FBN3: variants seen among roughly 807,000 people sequenced by gnomAD.
FBN3 encodes the protein fibrillin 3.
In FBN3, 234 loss-of-function variants were observed where a neutral mutation model predicts 330.1. That is an observed-to-expected ratio of 0.71 (90% CI 0.64 to 0.79). The LOEUF is 0.79. Ranked by LOEUF, FBN3 falls within the 30% of genes least tolerant of loss-of-function variation. FBN3 has a pLI of 0.00. For missense variants in FBN3, 3,606 were observed against 3,886.9 expected (o/e 0.93, Z 1.92); for synonymous variants, 1,458 against 1,517.3 (o/e 0.96, Z 0.91).
rs1242772418 is a variant in FBN3, at chr19:8,122,675, C to G, written c.3082+789G>C. Among the ~76,000 whole-genome samples the G allele has an allele frequency of 2.8e-5, 4 of 143,488 alleles. No individual in the cohort carries two copies. The South Asian group carries it at 6.7e-4, about 24-fold the overall frequency. 94.1% of individuals were successfully genotyped at this position (143,488 alleles called of 152,430 possible). On this transcript the variant is annotated intron_variant, in intron 24 of 63. Coordinates refer to ENST00000600128, the MANE Select transcript of FBN3 (RefSeq NM_032447.5). ...ATCCATCGCACCTGGCCCAGCGCCCCCTTTTTTTTTTGAGATGGAGTCTCT... is the reference window on the plus strand; with the variant it reads ...ATCCATCGCACCTGGCCCAGCGCCCGCTTTTTTTTTTGAGATGGAGTCTCT...
intron 46 of FBN3, among the ~76,000 whole-genome samples, chr19:8,095,163 G>A (rs557887594): frequency 4.1e-4 from 62 of 152,002 alleles, no homozygotes; most frequent in African/African-American, 1.5e-3. Context: ...TAGAGACGAG[G>A]ACTCACTATG....
chr19:8,116,048 C>G (rs1260458231), intron 29 of FBN3, among the ~76,000 whole-genome samples: 1 of 152,158 alleles, frequency 6.6e-6, no homozygotes, highest in African/African-American at 2.4e-5. Flanking sequence ...CATTTGTTCA[C>G]AAGGCCCATC....
At chr19:8,076,523 C>T (rs1328247374) in intron 59 of FBN3, among the ~76,000 whole-genome samples, 1 of 152,074 alleles carries the variant, frequency 6.6e-6, no homozygotes, top group Non-Finnish European at 1.5e-5. Context: ...CCTGTAGTCC[C>T]AGCTACTCGG....
rs534086605 is a variant in FBN3 at position 8,101,167 on chromosome 19, C to G, written c.5090-195G>C. On this transcript the variant is annotated intron_variant, in intron 40 of 63. Coordinates refer to ENST00000600128, the MANE Select transcript of FBN3 (RefSeq NM_032447.5). ...TGAGACAAAGTCTCGTTCTGTCACC[C>G]AGGCTGGAGTGCACTGGTGCAATCA... Among the ~76,000 whole-genome samples the G allele has an allele frequency of 7.0e-4, 107 of 152,276 alleles. 1 individual carries two copies. Among genetic ancestry groups the G allele is most frequent in the Admixed American group, 1.4e-3 (22 of 15,298 alleles).
intron 30 of FBN3, among the ~76,000 whole-genome samples, chr19:8,114,576 G>A (rs756379343): frequency 5.9e-5 from 9 of 151,734 alleles, no homozygotes; most frequent in Non-Finnish European, 1.2e-4. Flanking sequence ...ATATAGATGG[G>A]GTTGCTGTCT....
chr19:8,083,521 C>A, intron 56 of FBN3, 149 bp from the exon 57 acceptor site: 1 of 914,522 alleles, frequency 1.1e-6, no homozygotes, highest in Non-Finnish European at 1.7e-6. Context: ...CCCACGTGGA[C>A]CCCATCCTCA....
intron 46 of FBN3, 32 bp from the exon 47 acceptor site, chr19:8,094,597 C>G: frequency 1.2e-6 from 2 of 1,600,764 alleles, no homozygotes; most frequent in Non-Finnish European, 1.7e-6. Flanking sequence ...GTCCTTGTGC[C>G]AGCCAGGATG....
At position 8,103,644 on chromosome 19, in the gene FBN3, G is replaced by C. The variant is rs371480188; in HGVS notation, c.4857C>G (p.Gly1619=). ...CSTHSGICGP[G]TCYNTLGNYT... is the part of the protein sequence containing the mutation. ...AGTTCCCCAGGGTGTTGTAGCAGGTGCCAGGGCCACAGATGCCGGAGTGTG... is the reference window on the plus strand; with the variant it reads ...AGTTCCCCAGGGTGTTGTAGCAGGTCCCAGGGCCACAGATGCCGGAGTGTG... The change falls in exon 39 of 64, where the codon GGC becomes GGG. Residue 1619 remains glycine (G), a synonymous_variant. Coordinates refer to ENST00000600128, the MANE Select transcript of FBN3 (RefSeq NM_032447.5). 9 of 1,613,584 alleles carry C rather than the reference G, an allele frequency of 5.6e-6. No individual in the cohort carries two copies. Among genetic ancestry groups the C allele is most frequent in the Non-Finnish European group, 5.1e-6 (6 of 1,179,650 alleles).
At chr19:8,092,430 G>A (rs150653903) in intron 47 of FBN3, among the ~76,000 whole-genome samples, 15 of 151,854 alleles carry the variant, frequency 9.9e-5, no homozygotes, top group African/African-American at 2.7e-4. Flanking sequence ...AAAATGGAAC[G>A]AAATAGGCAC....
chr19:8,065,695 C>T lies in FBN3; in HGVS notation c.*224G>A. The T allele has an allele frequency of 1.8e-6, 1 of 541,818 alleles. No individual in the cohort carries two copies. The highest frequency in any genetic ancestry group is 2.8e-5 in the South Asian group (1 of 35,138). The allele number at this position is 541,818 out of a possible 1,614,324, so 33.6% of individuals were successfully genotyped here. On this transcript the variant is annotated 3_prime_UTR_variant, in exon 64 of 64. Coordinates refer to ENST00000600128, the MANE Select transcript of FBN3 (RefSeq NM_032447.5). Reference sequence around the variant, plus strand: ...GTGGGGGCAGGGGGATTGCACATTGCAGCTTCTTGCTGTCTCCAGGAAAGA... The same window carrying T: ...GTGGGGGCAGGGGGATTGCACATTGTAGCTTCTTGCTGTCTCCAGGAAAGA...
intron 23 of FBN3, 42 bp downstream of exon 23, chr19:8,123,742 C>T (rs1205002185): frequency 1.2e-6 from 2 of 1,605,980 alleles, no homozygotes; most frequent in South Asian, 1.1e-5. Context: ...TGCCGTGCCC[C>T]TCCCCATCCT....
chr19:8,133,271 C>T (rs771614138), intron 13 of FBN3, among the ~76,000 whole-genome samples, 165 bp from the exon 14 acceptor site: 1 of 152,170 alleles, frequency 6.6e-6, no homozygotes, highest in Non-Finnish European at 1.5e-5. Context: ...TTAGTCCGTC[C>T]GCTGGGACGT....
chr19:8,084,883 C>T lies in FBN3; in HGVS notation c.7087+480G>A, dbSNP rs188432368. Among the ~76,000 whole-genome samples the T allele has an allele frequency of 5.4e-3, 809 of 151,206 alleles. 7 individuals are homozygous for T. The highest frequency in any genetic ancestry group is 0.019 in the African/African-American group (778 of 41,200). The stretch of plus-strand genomic sequence containing the variant: ...GATTACAAGTGTGAGCCACTGTGCC[C>T]GGCCTATTTTTATTGCTTTTGGAGA... On this transcript the variant is annotated intron_variant, in intron 56 of 63. Coordinates refer to ENST00000600128, the MANE Select transcript of FBN3 (RefSeq NM_032447.5).
intron 57 of FBN3, among the ~76,000 whole-genome samples, chr19:8,082,825 G>C (rs8101778): frequency 0.61 from 92,026 of 149,878 alleles, 29,394 homozygotes; most frequent in African/African-American, 0.79. Flanking sequence ...CTTTTCTTTT[G>C]TTTTTCATTT....
intron 24 of FBN3, 134 bp downstream of exon 24, chr19:8,123,330 G>A: frequency 1.0e-6 from 1 of 1,002,410 alleles, no homozygotes; most frequent in Non-Finnish European, 1.4e-6. Flanking sequence ...CTCCAGCCTG[G>A]ATAACAAGAG....
chr19:8,135,936 G>GGGGGGGGGGGGGGCCCCCCCCCCCCCCC, intron 13 of FBN3, 25 bp downstream of exon 13: 24 of 668,676 alleles, frequency 3.6e-5, no homozygotes, highest in Non-Finnish European at 5.3e-5. Context: ...GGAAGCCCCT[G>GGGGGGGGGGGGGGCCCCCCCCCCCCCCC]CCCACCCGCC....
intron 62 of FBN3, among the ~76,000 whole-genome samples, 193 bp downstream of exon 62, chr19:8,072,870 C>T (rs1341295683): frequency 6.6e-6 from 1 of 152,016 alleles, no homozygotes; most frequent in Non-Finnish European, 1.5e-5. Flanking sequence ...GCCACTGTAC[C>T]TCTGCGTGTC....
chr19:8,077,574 G>A (rs964202446), intron 59 of FBN3, among the ~76,000 whole-genome samples: 2 of 152,156 alleles, frequency 1.3e-5, no homozygotes, highest in Non-Finnish European at 2.9e-5. Context: ...AGGAGGCAGA[G>A]GATGCAGTGA....
chr19:8,092,852 A>ATC (rs1392547919), intron 47 of FBN3, among the ~76,000 whole-genome samples: 1 of 152,104 alleles, frequency 6.6e-6, no homozygotes, highest in Non-Finnish European at 1.5e-5. Flanking sequence ...GTGGGAGCTA[A>ATC]TCTATGAGGA....
Sources: allele counts gnomAD v4.1 joint callset (sites outside exome capture counted in the v4.1 genomes callset), GRCh38; gene constraint gnomAD v4.1.1; transcripts MANE v1.5; gene names NCBI Gene and HGNC (gene_info 2026-07-23, HGNC 2026-07-21).